Variants in CALCRL observed in about 807,000 individuals in gnomAD.
CALCRL encodes the protein calcitonin receptor like receptor, also known as calcitonin gene-related peptide type 1 receptor.
Under a neutral mutation model 60.4 loss-of-function variants are expected in CALCRL, and 27 were observed. The ratio of observed to expected loss-of-function variants is 0.45; its 90% CI spans 0.33 to 0.62. CALCRL has a LOEUF of 0.62. Among genes scored for constraint, CALCRL ranks in the 20% least tolerant of loss-of-function variants. CALCRL has a pLI of 0.03. For missense variants in CALCRL, 424 were observed against 540.7 expected (o/e 0.78, Z 2.14); for synonymous variants, 190 against 182.6 (o/e 1.04, Z -0.33).
intron 1 of CALCRL, among the ~76,000 whole-genome samples, chr2:187,425,902 A>C (rs1334884847): frequency 6.6e-6 from 1 of 151,976 alleles, no homozygotes; most frequent in African/African-American, 2.4e-5. Flanking sequence ...ATGAAACATA[A>C]ATATAAAAGC....
intron 4 of CALCRL, among the ~76,000 whole-genome samples, chr2:187,385,076 T>C (rs2105789104): frequency 6.6e-6 from 1 of 152,278 alleles, no homozygotes; most frequent in African/African-American, 2.4e-5. Context: ...TCTGCTAATT[T>C]GAATGAATGA....
chr2:187,387,027 G>A (rs1313820055), intron 3 of CALCRL, among the ~76,000 whole-genome samples: 1 of 152,076 alleles, frequency 6.6e-6, no homozygotes, highest in Non-Finnish European at 1.5e-5. Context: ...CCCAGTCTTG[G>A]GTATGTGTTT....
At chr2:187,435,147 TA>T (rs1235198130) in intron 1 of CALCRL, among the ~76,000 whole-genome samples, 2 of 152,124 alleles carry the variant, frequency 1.3e-5, no homozygotes, top group Non-Finnish European at 1.5e-5. Flanking sequence ...GGGTAATTTA[TA>T]AAGAAAATAG....
intron 8 of CALCRL, among the ~76,000 whole-genome samples, chr2:187,372,658 G>A (rs1469553896): frequency 6.6e-6 from 1 of 152,148 alleles, no homozygotes; most frequent in Non-Finnish European, 1.5e-5. Flanking sequence ...GTGGGTCAGT[G>A]ACCCTCAATT....
chr2:187,356,833 G>C (rs2105714840), intron 12 of CALCRL, among the ~76,000 whole-genome samples: 1 of 152,234 alleles, frequency 6.6e-6, no homozygotes, highest in South Asian at 2.1e-4. Flanking sequence ...CCATCAAAAA[G>C]TGGGCAAATG....
intron 1 of CALCRL, among the ~76,000 whole-genome samples, chr2:187,432,719 T>C (rs1378458196): frequency 6.6e-6 from 1 of 152,124 alleles, no homozygotes; most frequent in Non-Finnish European, 1.5e-5. Flanking sequence ...TGTGTATTTG[T>C]ACATTGGCAA....
At chr2:187,379,213 T>C (rs2030976) in intron 7 of CALCRL, among the ~76,000 whole-genome samples, 182 bp from the exon 8 acceptor site, 43,710 of 151,936 alleles carry the variant, frequency 0.29, 6,578 homozygotes, top group Middle Eastern at 0.41. Context: ...GAATGAAAAA[T>C]ATCTATCCAG....
rs1690487390 is a variant in CALCRL, at chr2:187,433,374, T to C, written c.-293+14665A>G. 2.6e-5 allele frequency among the ~76,000 whole-genome samples: 4 copies of C among 152,218 alleles called. 1 individual carries two copies. The South Asian group carries it at 8.3e-4, about 32-fold the overall frequency. On this transcript the variant is annotated intron_variant, in intron 1 of 14. Coordinates refer to ENST00000392370, the MANE Select transcript of CALCRL (RefSeq NM_005795.6). ...CACTTCTGGCTATCAGAAAATGTAT[T>C]GATGAGTTAATTTTGGTTAATAAAC...
chr2:187,353,877 A>C (rs1686651609), intron 12 of CALCRL, among the ~76,000 whole-genome samples: 2 of 151,962 alleles, frequency 1.3e-5, no homozygotes, highest in South Asian at 4.1e-4. Context: ...TTATATGAAA[A>C]TTTTTAAATG....
chr2:187,445,392 TAAAGCTG>T, intron 1 of CALCRL, among the ~76,000 whole-genome samples: 1 of 151,670 alleles, frequency 6.6e-6, no homozygotes, highest in Non-Finnish European at 1.5e-5. Flanking sequence ...AATTATTTGA[TAAAGCTG>T]TATTAAAAGT....
chr2:187,356,754 G>C (rs1102486), intron 12 of CALCRL, among the ~76,000 whole-genome samples: 152,184 of 152,326 alleles, frequency 1, 76,021 homozygotes, highest in Middle Eastern at 1. Flanking sequence ...ATCTACCCAT[G>C]TGACAAAGGG....
chr2:187,419,081 G>A lies in CALCRL; in HGVS notation c.-293+28958C>T, dbSNP rs548381093. Among the ~76,000 whole-genome samples, 13 of 140,072 alleles carry A rather than the reference G, an allele frequency of 9.3e-5. No individual in the cohort carries two copies. In the South Asian group the frequency reaches 2.9e-3, roughly 32 times the overall value. The allele number at this position is 140,072 out of a possible 152,430, so 91.9% of individuals were successfully genotyped here. On this transcript the variant is annotated intron_variant, in intron 1 of 14. Transcript: ENST00000392370. Reference sequence around the variant, plus strand: ...AGTAGAGACGGGTTTCACCATGTTGGCCAGGATGGTCTCAATCTCCTGACC... The same window carrying A: ...AGTAGAGACGGGTTTCACCATGTTGACCAGGATGGTCTCAATCTCCTGACC...
At chr2:187,422,284 T>G (rs1186194153) in intron 1 of CALCRL, among the ~76,000 whole-genome samples, 1 of 152,206 alleles carries the variant, frequency 6.6e-6, no homozygotes, top group Non-Finnish European at 1.5e-5. Flanking sequence ...GATTTATGGT[T>G]TGTTTTTGCT....
chr2:187,414,252 T>A (rs549349714), intron 1 of CALCRL, among the ~76,000 whole-genome samples: 21 of 152,278 alleles, frequency 1.4e-4, no homozygotes, highest in Non-Finnish European at 2.2e-4. Flanking sequence ...TTTATTAGGA[T>A]GTGAGTATGG....
At chr2:187,367,469 T>A (rs1687348420) in intron 8 of CALCRL, among the ~76,000 whole-genome samples, 1 of 152,164 alleles carries the variant, frequency 6.6e-6, no homozygotes, top group East Asian at 1.9e-4. Context: ...TTTCTGATGA[T>A]GCATATTGTT....
intron 8 of CALCRL, among the ~76,000 whole-genome samples, chr2:187,376,258 A>G (rs1687752281): frequency 6.6e-6 from 1 of 152,044 alleles, no homozygotes; most frequent in Non-Finnish European, 1.5e-5. Context: ...AAATTTTTTT[A>G]ATTGAGCTAT....
chr2:187,401,037 G>A (rs149623351), intron 1 of CALCRL, among the ~76,000 whole-genome samples: 2 of 151,594 alleles, frequency 1.3e-5, no homozygotes, highest in Non-Finnish European at 3.0e-5. Context: ...GAGGGTATAT[G>A]TGCAGGCTTG....
intron 8 of CALCRL, among the ~76,000 whole-genome samples, chr2:187,374,451 A>T (rs1393056914): frequency 1.3e-5 from 2 of 152,154 alleles, no homozygotes; most frequent in African/African-American, 2.4e-5. Context: ...AATAAGTAAA[A>T]TTAGGTGTGA....
chr2:187,419,896 A>G (rs530624416), intron 1 of CALCRL, among the ~76,000 whole-genome samples: 1 of 152,334 alleles, frequency 6.6e-6, no homozygotes, highest in East Asian at 1.9e-4. Flanking sequence ...AGCAGTTTTA[A>G]GTGATATGAT....
Sources: gnomAD v4.1 joint callset for allele counts (sites outside exome capture counted in the v4.1 genomes callset) on GRCh38, gnomAD v4.1.1 for gene constraint, MANE v1.5 for transcripts, NCBI Gene and HGNC (gene_info 2026-07-23, HGNC 2026-07-21) for gene names.